The following NREP variants were observed in gnomAD, a reference collection of about 807,000 sequenced individuals.
The protein encoded by NREP is neuronal regeneration related protein.
In NREP, 5 loss-of-function variants were observed where a neutral mutation model predicts 8.6. That is an observed-to-expected ratio of 0.58 (90% CI 0.30 to 1.22). The LOEUF is 1.22. Ranked by LOEUF, NREP falls within the 50% of genes most tolerant of loss-of-function variation. The pLI is 0.07. For missense variants in NREP, 86 were observed against 82.5 expected, an observed-to-expected ratio of 1.04 and a Z score of -0.17; for synonymous variants, 27 against 28.0, an observed-to-expected ratio of 0.96 and a Z score of 0.11.
intron 2 of NREP, among the ~76,000 whole-genome samples, chr5:111,938,136 T>C (rs929173472): frequency 6.6e-6 from 1 of 152,042 alleles, no homozygotes; most frequent in Admixed American, 6.6e-5. Context: ...CTATGAGTTC[T>C]CATAGTAACA....
At chr5:111,929,700 T>G (rs1168819385) in intron 2 of NREP, among the ~76,000 whole-genome samples, 5 of 152,198 alleles carry the variant, frequency 3.3e-5, no homozygotes, top group Non-Finnish European at 7.3e-5. Context: ...GGAACTTCTG[T>G]GTTATTCAAT....
At chr5:111,949,775 C>A (rs181192675) in intron 2 of NREP, among the ~76,000 whole-genome samples, 8 of 152,166 alleles carry the variant, frequency 5.3e-5, no homozygotes, top group East Asian at 1.9e-4. Context: ...TTTTTTATGG[C>A]GGCATAGTAT....
chr5:111,812,568 A>C (rs1221162646), intron 2 of NREP, among the ~76,000 whole-genome samples: 1 of 152,184 alleles, frequency 6.6e-6, no homozygotes, highest in Non-Finnish European at 1.5e-5. Flanking sequence ...CAATTTAAGC[A>C]ATGACTTAGA....
rs1345406141 is a variant in NREP at position 111,756,059 on chromosome 5, AT to A, written c.-58-230del. 3.3e-6 allele frequency: 4 copies of A among 1,221,844 alleles called. No homozygotes were observed. The African/African-American group carries it at 6.1e-5, about 19-fold the overall frequency. The allele number at this position is 1,221,844 out of a possible 1,614,324, so 75.7% of individuals were successfully genotyped here. ...ACTTGGCTTTGCAGAGTCCTGGGCT[AT>A]TCTTAGTGTTTGGTTCATCTTTAAA... is the stretch of plus-strand genomic sequence containing the variant. On this transcript the variant is annotated intron_variant, in intron 1 of 3. Transcript: ENST00000257435.
chr5:111,892,867 G>A (rs1754427223), intron 2 of NREP, among the ~76,000 whole-genome samples: 1 of 152,038 alleles, frequency 6.6e-6, no homozygotes, highest in Non-Finnish European at 1.5e-5. Flanking sequence ...TGAGGGTAGT[G>A]GATCTTTCAT....
intron 2 of NREP, among the ~76,000 whole-genome samples, chr5:111,796,769 G>C (rs150282416): frequency 4.6e-5 from 7 of 152,272 alleles, no homozygotes; most frequent in African/African-American, 1.7e-4. Flanking sequence ...ATTTTGGTCA[G>C]ACCTATAGGT....
chr5:111,911,611 C>A (rs1318539616), intron 2 of NREP, among the ~76,000 whole-genome samples: 1 of 152,024 alleles, frequency 6.6e-6, no homozygotes, highest in Non-Finnish European at 1.5e-5. Flanking sequence ...AAATAATTCA[C>A]AACTAGATGA....
intron 2 of NREP, among the ~76,000 whole-genome samples, chr5:111,848,461 A>T (rs576968631): frequency 6.6e-6 from 1 of 152,202 alleles, no homozygotes; most frequent in South Asian, 2.1e-4. Context: ...AGCACCTTGG[A>T]TACACACCTG....
rs560962468 is a variant in NREP at position 111,815,042 on chromosome 5, G to A, written c.136-79535C>T. 3.1e-4 allele frequency among the ~76,000 whole-genome samples: 47 copies of A among 151,738 alleles called. No individual in the cohort carries two copies. In the South Asian group the frequency reaches 6.5e-3, roughly 21 times the overall value. Reference sequence around the variant, plus strand: ...ACCTAGCGAGGAATCTTAGAGAAGTGAATCCAACAATGAGCCGACATTTTC... The same window carrying A: ...ACCTAGCGAGGAATCTTAGAGAAGTAAATCCAACAATGAGCCGACATTTTC... On this transcript the variant is annotated intron_variant, in intron 2 of 3. Transcript: ENST00000395634.
intron 2 of NREP, among the ~76,000 whole-genome samples, chr5:111,943,962 G>A (rs750263354): frequency 1.1e-4 from 16 of 151,980 alleles, no homozygotes; most frequent in Non-Finnish European, 1.6e-4. Flanking sequence ...GTTTTCTATC[G>A]CTTCAAAGCT....
intron 2 of NREP, among the ~76,000 whole-genome samples, chr5:111,879,256 C>T (rs1389850): frequency 0.64 from 97,259 of 151,928 alleles, 31,717 homozygotes; most frequent in Non-Finnish European, 0.7. Flanking sequence ...ATGAGCCAAA[C>T]ACATCTAGTT....
At chr5:111,843,186 T>C (rs1163388396) in intron 2 of NREP, among the ~76,000 whole-genome samples, 2 of 152,026 alleles carry the variant, frequency 1.3e-5, no homozygotes, top group East Asian at 3.9e-4. Context: ...CATATATTGG[T>C]TTTGTTGATA....
intron 2 of NREP, among the ~76,000 whole-genome samples, chr5:111,851,100 G>A (rs1424489896): frequency 6.6e-6 from 1 of 152,166 alleles, no homozygotes; most frequent in Non-Finnish European, 1.5e-5. Context: ...TAGTCACAAT[G>A]TCTAAGATAT....
At chr5:111,740,225 T>C (rs1749530853) in intron 2 of NREP, among the ~76,000 whole-genome samples, 1 of 152,168 alleles carries the variant, frequency 6.6e-6, no homozygotes, top group Admixed American at 6.5e-5. Flanking sequence ...TGGTTTAAAA[T>C]ATACTAATCA....
chr5:111,731,572 G>A (rs907044993), intron 3 of NREP, among the ~76,000 whole-genome samples: 7 of 152,092 alleles, frequency 4.6e-5, no homozygotes, highest in East Asian at 1.9e-4. Context: ...TGCAATCGGC[G>A]CATGACAGAA....
chr5:111,808,071 G>C (rs1012838430), intron 2 of NREP, among the ~76,000 whole-genome samples: 15 of 152,106 alleles, frequency 9.9e-5, no homozygotes, highest in African/African-American at 3.6e-4. Context: ...TTTGCGTCTG[G>C]TCACATACAC....
chr5:111,919,509 G>A (rs1352472400), intron 2 of NREP, among the ~76,000 whole-genome samples: 1 of 152,088 alleles, frequency 6.6e-6, no homozygotes, highest in Non-Finnish European at 1.5e-5. Context: ...TAAAGAAAAT[G>A]TGGCACATAT....
chr5:111,817,493 T>G (rs1561678549), intron 2 of NREP, among the ~76,000 whole-genome samples: 2 of 152,290 alleles, frequency 1.3e-5, no homozygotes, highest in East Asian at 3.9e-4. Context: ...ATAATTGATT[T>G]TTAACTTTTT....
chr5:111,753,573 G>A (rs1204315388), intron 2 of NREP, among the ~76,000 whole-genome samples: 1 of 151,816 alleles, frequency 6.6e-6, no homozygotes, highest in Non-Finnish European at 1.5e-5. Flanking sequence ...TTATAAATTT[G>A]TATTTGAAAT....
Sources: gnomAD v4.1 joint callset for allele counts (sites outside exome capture counted in the v4.1 genomes callset) on GRCh38, gnomAD v4.1.1 for gene constraint, MANE v1.5 for transcripts, NCBI Gene and HGNC (gene_info 2026-07-23, HGNC 2026-07-21) for gene names.